The following ARMCX4 variants were observed in gnomAD, a reference collection of about 807,000 sequenced individuals.
ARMCX4 encodes the protein armadillo repeat containing X-linked 4, also known as armadillo repeat-containing X-linked protein 4.
ARMCX4 carries 3 observed loss-of-function variants against 34.7 expected under a neutral mutation model. The observed-to-expected ratio is 0.09, with a 90% CI of 0.04 to 0.22. ARMCX4 has a LOEUF of 0.22. Among genes scored for constraint, ARMCX4 ranks in the 10% least tolerant of loss-of-function variants. The pLI, the probability that ARMCX4 is intolerant of heterozygous loss-of-function variation, is 1.00. For missense variants in ARMCX4, 1,448 were observed against 1,720.8 expected, an observed-to-expected ratio of 0.84 and a Z score of 2.81; for synonymous variants, 513 against 632.8, an observed-to-expected ratio of 0.81 and a Z score of 2.84.
At position 101,491,004 on chromosome X, in the gene ARMCX4, G is replaced by A. The variant is rs1036424436; in HGVS notation, c.2415G>A (p.Lys805=). 187 of 1,153,394 alleles carry A rather than the reference G, an allele frequency of 1.6e-4. No homozygotes were observed. Among genetic ancestry groups the A allele is most frequent in the Non-Finnish European group, 2.0e-4 (177 of 872,494 alleles). ...ATTGTGAGACCTTGCCTGGTGCCAA[G>A]AATAAGGTCAGGGGAAATTGGAATG... is the stretch of plus-strand genomic sequence containing the variant. The part of the protein sequence containing the change: ...NSHCETLPGA[K]NKVRGNWNAV... Residue 805 remains lysine (K), a synonymous_variant, in exon 6 of 6, where the codon AAG becomes AAA. Coordinates refer to ENST00000423738, the MANE Select transcript of ARMCX4 (RefSeq NM_001256155.3).
intron 11 of ARMCX4, among the ~76,000 whole-genome samples, chrX:101,527,584 C>T (rs781847489): frequency 9.0e-6 from 1 of 110,783 alleles, no homozygotes; most frequent in South Asian, 3.8e-4. Flanking sequence ...AGACTGCTAG[C>T]AAGACTAATA....
At chrX:101,513,446 G>A (rs1350415330) in intron 11 of ARMCX4, among the ~76,000 whole-genome samples, 4 of 111,807 alleles carry the variant, frequency 3.6e-5, no homozygotes, top group Non-Finnish European at 7.5e-5. Context: ...AGGACGCAAA[G>A]TCCTTGGGCA....
chrX:101,424,727 C>T (rs929996814), intron 2 of ARMCX4, among the ~76,000 whole-genome samples: 5 of 111,846 alleles, frequency 4.5e-5, no homozygotes, highest in East Asian at 2.8e-4. Context: ...TGAGAGTGAG[C>T]GGTCAAGGGT....
chrX:101,432,741 T>C (rs1603090887), intron 2 of ARMCX4, among the ~76,000 whole-genome samples: 1 of 62,929 alleles, frequency 1.6e-5, no homozygotes, highest in Non-Finnish European at 3.8e-5. Flanking sequence ...CATATATACG[T>C]ATATATATGT....
At chrX:101,509,564 C>T (rs1418565438) in intron 9 of ARMCX4, 2 of 111,248 alleles carry the variant, frequency 1.8e-5, no homozygotes, top group Non-Finnish European at 3.8e-5. Flanking sequence ...AATATCATTT[C>T]TTCCTCTTTT....
intron 4 of ARMCX4, among the ~76,000 whole-genome samples, chrX:101,471,887 A>G (rs1932923297): frequency 9.2e-6 from 1 of 109,027 alleles, no homozygotes; most frequent in Non-Finnish European, 1.9e-5. Flanking sequence ...GGAAACTCTA[A>G]AACGCAGAGC....
chrX:101,463,914 C>T (rs111381681), intron 4 of ARMCX4, among the ~76,000 whole-genome samples: 5,450 of 109,739 alleles, frequency 0.05, 127 homozygotes, highest in South Asian at 0.092. Flanking sequence ...CCACCATGCC[C>T]GGCTAATTTT....
intron 3 of ARMCX4, among the ~76,000 whole-genome samples, chrX:101,444,992 C>T (rs1931538633): frequency 8.9e-6 from 1 of 111,901 alleles, no homozygotes; most frequent in Admixed American, 9.6e-5. Context: ...AATAACATTG[C>T]TGTCAAAAAG....
chrX:101,495,006 TG>T lies in ARMCX4; in HGVS notation c.6418del (p.Val2140CysfsTer6). ...DTVTYPLNSN[V>X]QLAGLRLIRH... ...CTGTCACCTATCCCTTGAATTCAAA[TG>T]TGCAGTTGGCTGGACTAAGGTTGAT... On this transcript the variant is annotated frameshift_variant, in exon 6 of 6. Coordinates refer to ENST00000423738, the MANE Select transcript of ARMCX4 (RefSeq NM_001256155.3). LOFTEE classifies it high-confidence loss of function. The T allele has an allele frequency of 1.7e-6, 2 of 1,155,252 alleles. No homozygotes were observed. The highest frequency in any genetic ancestry group is 2.3e-6 in the Non-Finnish European group (2 of 872,088).
intron 4 of ARMCX4, among the ~76,000 whole-genome samples, chrX:101,462,589 G>A (rs1203356087): frequency 9.8e-6 from 1 of 102,537 alleles, no homozygotes; most frequent in Admixed American, 1.1e-4. Context: ...GCAGTGAGCC[G>A]AGATTGCACC....
At chrX:101,501,405 A>G (rs1556013591) in intron 7 of ARMCX4, among the ~76,000 whole-genome samples, 1 of 112,866 alleles carries the variant, frequency 8.9e-6, no homozygotes, top group East Asian at 2.8e-4. Context: ...AAAAGAAGGC[A>G]AGTTTATTAG....
intron 4 of ARMCX4, among the ~76,000 whole-genome samples, chrX:101,480,123 GACACAC>G (rs57237822): frequency 0.047 from 3,566 of 76,561 alleles, 119 homozygotes; most frequent in African/African-American, 0.1. Context: ...AGGATTTGGA[GACACAC>G]ACACACACAC....
At chrX:101,436,867 T>A (rs1480162897) in intron 2 of ARMCX4, among the ~76,000 whole-genome samples, 1 of 111,859 alleles carries the variant, frequency 8.9e-6, no homozygotes, top group Non-Finnish European at 1.9e-5. Context: ...GTTGTTGAAT[T>A]TTGTCAAAGG....
chrX:101,429,037 A>G (rs1929814132), intron 2 of ARMCX4, among the ~76,000 whole-genome samples: 1 of 107,980 alleles, frequency 9.3e-6, no homozygotes, highest in African/African-American at 3.4e-5. Context: ...TTTTTAAGTT[A>G]TTTGTAGAGA....
intron 2 of ARMCX4, among the ~76,000 whole-genome samples, chrX:101,441,587 T>TAC (rs1248831183): frequency 1.8e-4 from 12 of 66,025 alleles, no homozygotes; most frequent in Non-Finnish European, 3.3e-4. Context: ...TTAATATACA[T>TAC]ACATACACAC....
chrX:101,425,800 AAG>A (rs1430926108), intron 2 of ARMCX4, among the ~76,000 whole-genome samples: 1 of 110,994 alleles, frequency 9.0e-6, no homozygotes, highest in Admixed American at 9.7e-5. Flanking sequence ...ACTACGGGTC[AAG>A]AGAGGCCTTT....
chrX:101,524,252 C>T (rs781986734), intron 11 of ARMCX4: 2 of 111,983 alleles, frequency 1.8e-5, no homozygotes, highest in African/African-American at 6.5e-5. Context: ...TCATGAATTC[C>T]AAATGGAATA....
At chrX:101,527,374 A>C (rs1227233767) in intron 11 of ARMCX4, among the ~76,000 whole-genome samples, 1 of 112,219 alleles carries the variant, frequency 8.9e-6, no homozygotes, top group Non-Finnish European at 1.9e-5. Context: ...CCACAAGAGA[A>C]AGCAGGAAAG....
downstream of ARMCX4, among the ~76,000 whole-genome samples, chrX:101,448,894 G>A (rs782298034): frequency 7.5e-5 from 7 of 93,314 alleles, no homozygotes; most frequent in South Asian, 1.2e-3. Flanking sequence ...GCGCCTGGCC[G>A]TTTTTTTCTT....
Sources: allele counts gnomAD v4.1 joint callset (sites outside exome capture counted in the v4.1 genomes callset), GRCh38; gene constraint gnomAD v4.1.1; transcripts MANE v1.5; gene names NCBI Gene and HGNC (gene_info 2026-07-23, HGNC 2026-07-21).